The following FYB2 variants were observed in gnomAD, a reference collection of about 807,000 sequenced individuals.
FYB2 encodes FYN-binding protein 2.
FYB2 carries 103 observed loss-of-function variants against 94.1 expected under a neutral mutation model. The observed-to-expected ratio is 1.09, with a 90% CI of 0.93 to 1.29. The LOEUF is 1.29. Ranked by LOEUF, FYB2 falls within the 50% of genes most tolerant of loss-of-function variation. The pLI is 0.00. For synonymous variants in FYB2, 293 were observed against 287.9 expected (o/e 1.02, Z -0.18); for missense variants, 896 against 841.5 (o/e 1.06, Z -0.80).
chr1:56,806,553 T>C (rs1646651897), intron 1 of FYB2, among the ~76,000 whole-genome samples: 9 of 152,154 alleles, frequency 5.9e-5, no homozygotes, highest in Admixed American at 5.9e-4. Context: ...CAAATTTACA[T>C]ATTTATGGTT....
At chr1:56,760,669 C>T (rs1645471175) in intron 5 of FYB2, among the ~76,000 whole-genome samples, 1 of 152,112 alleles carries the variant, frequency 6.6e-6, no homozygotes, top group African/African-American at 2.4e-5. Context: ...TTTGCTTCTC[C>T]TAACCACCTT....
rs1188336666 is a variant in FYB2 at position 56,719,386 on chromosome 1, T to TTAAA, written c.*281_*284dup. 1 of 327,280 alleles carries TTAAA rather than the reference T, an allele frequency of 3.1e-6. No homozygotes were observed. Among genetic ancestry groups the TTAAA allele is most frequent in the Non-Finnish European group, 5.6e-6 (1 of 179,208 alleles). The allele number at this position is 327,280 out of a possible 1,614,324, so 20.3% of individuals were successfully genotyped here. ...GATTTCTAACTTTGGATATGGCTCA[T>TTAAA]TAAATAAGTGCTCAAATGCTAACAC... On this transcript the variant is annotated 3_prime_UTR_variant, in exon 20 of 20. Transcript: ENST00000343433.
intron 16 of FYB2, among the ~76,000 whole-genome samples, chr1:56,724,849 T>A (rs566021108): frequency 2.6e-4 from 39 of 152,134 alleles, no homozygotes; most frequent in African/African-American, 9.1e-4. Context: ...CATGTTGACA[T>A]TTGGTCCCTA....
At chr1:56,796,010 T>C (rs1570189227) in intron 1 of FYB2, among the ~76,000 whole-genome samples, 1 of 152,100 alleles carries the variant, frequency 6.6e-6, no homozygotes, top group African/African-American at 2.4e-5. Flanking sequence ...AGACAGAAAA[T>C]AAGCAATTAC....
At chr1:56,757,528 C>G (rs10489620) in intron 6 of FYB2, among the ~76,000 whole-genome samples, 64,795 of 151,702 alleles carry the variant, frequency 0.43, 14,186 homozygotes, top group African/African-American at 0.51. Flanking sequence ...AAGTATTGGT[C>G]CCTTTATTTA....
chr1:56,826,042 C>T, the FYB2 span, among the ~76,000 whole-genome samples: 290 of 152,310 alleles, frequency 1.9e-3, 1 homozygote, highest in African/African-American at 5.3e-3. Flanking sequence ...CTGCTAGGCA[C>T]GCATTCCCAC....
chr1:56,808,832 T>C (rs1252631058), intron 1 of FYB2, among the ~76,000 whole-genome samples: 3 of 152,176 alleles, frequency 2.0e-5, no homozygotes, highest in Non-Finnish European at 4.4e-5. Flanking sequence ...ACAGCAGAGA[T>C]TTCACTAATG....
At chr1:56,778,905 T>C (rs1379908402) in intron 4 of FYB2, among the ~76,000 whole-genome samples, 1 of 152,126 alleles carries the variant, frequency 6.6e-6, no homozygotes, top group Admixed American at 6.6e-5. Context: ...GGCGGGCACA[T>C]AGTTGGAGTT....
chr1:56,823,185 C>G (rs1049385667), upstream of FYB2, among the ~76,000 whole-genome samples: 2 of 152,118 alleles, frequency 1.3e-5, no homozygotes, highest in African/African-American at 4.8e-5. Context: ...GGCAGATGTC[C>G]TGGCCATGCG....
chr1:56,743,730 TAAGTAAA>T (rs1403099075), intron 11 of FYB2, among the ~76,000 whole-genome samples: 1 of 151,988 alleles, frequency 6.6e-6, no homozygotes, highest in Non-Finnish European at 1.5e-5. Context: ...GAAAGTGTTT[TAAGTAAA>T]AACAGTCCTA....
At chr1:56,812,234 G>C (rs953268820) in intron 1 of FYB2, among the ~76,000 whole-genome samples, 1 of 152,168 alleles carries the variant, frequency 6.6e-6, no homozygotes, top group African/African-American at 2.4e-5. Context: ...TAAGTGATTT[G>C]CTCAAGGTCA....
chr1:56,740,896 T>A, intron 12 of FYB2, 101 bp from the exon 13 acceptor site: 1 of 717,178 alleles, frequency 1.4e-6, no homozygotes, highest in Non-Finnish European at 2.2e-6. Context: ...TTCTCACTTG[T>A]AAGTGGGAGC....
intron 3 of FYB2, chr1:56,788,727 G>T (rs868470170): frequency 7.7e-6 from 4 of 520,306 alleles, no homozygotes; most frequent in Middle Eastern, 1.1e-3. Flanking sequence ...TCTTCCTCTT[G>T]GACAGATTCC....
At chr1:56,793,452 TA>T (rs965480853) in intron 1 of FYB2, among the ~76,000 whole-genome samples, 4 of 152,020 alleles carry the variant, frequency 2.6e-5, no homozygotes, top group African/African-American at 7.2e-5. Flanking sequence ...ATAACTCCAT[TA>T]AAAAATGGAC....
At chr1:56,735,274 A>G (rs910717589) in intron 15 of FYB2, among the ~76,000 whole-genome samples, 6 of 152,166 alleles carry the variant, frequency 3.9e-5, no homozygotes, top group African/African-American at 4.8e-5. Context: ...AGCACTATTC[A>G]GCCATAAAAA....
chr1:56,744,972 G>T (rs1196043372), intron 9 of FYB2, among the ~76,000 whole-genome samples: 2 of 151,924 alleles, frequency 1.3e-5, no homozygotes, highest in Non-Finnish European at 2.9e-5. Context: ...TAAACAACAA[G>T]CACATTAACT....
intron 14 of FYB2, 84 bp downstream of exon 14, chr1:56,738,540 AG>A: frequency 7.4e-7 from 1 of 1,347,920 alleles, no homozygotes. Context: ...GTGGGAATGC[AG>A]GAAGGGTTAC....
At chr1:56,742,016 T>C in intron 12 of FYB2, 145 bp downstream of exon 12, 2 of 659,374 alleles carry the variant, frequency 3.0e-6, no homozygotes, top group South Asian at 1.8e-5. Context: ...TAACTCTCAG[T>C]GTGAATCTTT....
chr1:56,722,754 C>T (rs913120188), intron 17 of FYB2, among the ~76,000 whole-genome samples: 1 of 152,046 alleles, frequency 6.6e-6, no homozygotes, highest in Non-Finnish European at 1.5e-5. Context: ...ATGCAAAGAT[C>T]AGGACATAAA....
Sources: allele counts gnomAD v4.1 joint callset (sites outside exome capture counted in the v4.1 genomes callset), GRCh38; gene constraint gnomAD v4.1.1; transcripts MANE v1.5; gene names NCBI Gene and HGNC (gene_info 2026-07-23, HGNC 2026-07-21).